Variants in VIPAS39 observed in about 807,000 individuals in gnomAD.
The protein encoded by VIPAS39 is spermatogenesis-defective protein 39 homolog.
VIPAS39 carries 63 observed loss-of-function variants against 84.7 expected under a neutral mutation model. The ratio of observed to expected loss-of-function variants is 0.74; its 90% CI spans 0.61 to 0.92. VIPAS39 has a LOEUF of 0.92. Ranked by LOEUF, VIPAS39 falls within the 40% of genes least tolerant of loss-of-function variation. The pLI is 0.00. For missense variants in VIPAS39, 499 were observed against 604.5 expected (o/e 0.83, Z 1.83); for synonymous variants, 192 against 216.5 (o/e 0.89, Z 0.99).
At chr14:77,436,887 T>C (rs1258297400) in intron 12 of VIPAS39, among the ~76,000 whole-genome samples, 1 of 152,224 alleles carries the variant, frequency 6.6e-6, no homozygotes, top group East Asian at 1.9e-4. Flanking sequence ...TTATTCCCCA[T>C]ACTCTGCTCA....
At chr14:77,447,108 C>A (rs2078803238) in intron 7 of VIPAS39, among the ~76,000 whole-genome samples, 1 of 149,842 alleles carries the variant, frequency 6.7e-6, no homozygotes, top group South Asian at 2.1e-4. Context: ...ATTGCACAAT[C>A]TCGGCCACCA....
intron 10 of VIPAS39, 137 bp downstream of exon 10, chr14:77,442,423 C>G (rs1206699483): frequency 1.0e-5 from 8 of 789,984 alleles, no homozygotes; most frequent in African/African-American, 1.7e-5. Context: ...TGCTAGTTAT[C>G]CCCTCACACT....
chr14:77,433,349 C>T (rs952907168), intron 16 of VIPAS39, among the ~76,000 whole-genome samples: 19 of 152,072 alleles, frequency 1.2e-4, no homozygotes, highest in Non-Finnish European at 2.6e-4. Context: ...TACAGGTGCA[C>T]ACCACCACAC....
intron 16 of VIPAS39, among the ~76,000 whole-genome samples, chr14:77,432,467 C>T (rs1226720036): frequency 6.6e-6 from 1 of 152,128 alleles, no homozygotes; most frequent in African/African-American, 2.4e-5. Context: ...GACATCTACA[C>T]TCCCATGTTT....
chr14:77,427,572 A>G lies in VIPAS39; in HGVS notation c.*44T>C. Reference sequence around the variant, plus strand: ...AAGAGCTCTCTCTGCTTTCACAGGCAGGAGAGGAGGAAATGAGGCAGGCTT... The same window carrying G: ...AAGAGCTCTCTCTGCTTTCACAGGCGGGAGAGGAGGAAATGAGGCAGGCTT... On this transcript the variant is annotated 3_prime_UTR_variant, in exon 20 of 20. Coordinates refer to ENST00000557658, the MANE Select transcript of VIPAS39 (RefSeq NM_001193315.2). 1 of 1,613,262 alleles carries G rather than the reference A, an allele frequency of 6.2e-7. No individual in the cohort carries two copies. The highest frequency in any genetic ancestry group is 8.5e-7 in the Non-Finnish European group (1 of 1,179,196).
chr14:77,444,217 T>A, intron 8 of VIPAS39, 32 bp downstream of exon 8: 1 of 1,596,912 alleles, frequency 6.3e-7, no homozygotes, highest in Non-Finnish European at 8.6e-7. Flanking sequence ...AAAACAATAA[T>A]TAAACAAACA....
chr14:77,452,039 TA>T (rs1452061522), intron 3 of VIPAS39, among the ~76,000 whole-genome samples: 6 of 152,108 alleles, frequency 3.9e-5, no homozygotes, highest in Non-Finnish European at 7.4e-5. Flanking sequence ...GATAGAAATA[TA>T]AAGAGCAAAA....
chr14:77,438,226 ATTT>A (rs34877078), intron 11 of VIPAS39, among the ~76,000 whole-genome samples: 11 of 131,994 alleles, frequency 8.3e-5, no homozygotes, highest in African/African-American at 8.0e-5. Flanking sequence ...AATATGGAAA[ATTT>A]TTTTTTTTTT....
intron 16 of VIPAS39, among the ~76,000 whole-genome samples, chr14:77,431,418 G>A (rs189791388): frequency 6.6e-6 from 1 of 152,196 alleles, no homozygotes; most frequent in Non-Finnish European, 1.5e-5. Flanking sequence ...AGAAGTACAT[G>A]AAAAGGTGAT....
chr14:77,457,270 CTCGT>C (rs1566743180), intron 1 of VIPAS39: 1 of 1,535,414 alleles, frequency 6.5e-7, no homozygotes, highest in East Asian at 2.4e-5. Flanking sequence ...GAGTTAAATG[CTCGT>C]TCTGAACCAA....
chr14:77,448,580 G>A (rs1269192783), intron 6 of VIPAS39, 30 bp from the exon 7 acceptor site: 1 of 1,612,476 alleles, frequency 6.2e-7, no homozygotes. Flanking sequence ...TGAATCCCAG[G>A]AAGTTAAGGA....
intron 2 of VIPAS39, 152 bp from the exon 3 acceptor site, chr14:77,453,553 A>C (rs909856945): frequency 1.3e-6 from 1 of 789,576 alleles, no homozygotes; most frequent in Non-Finnish European, 2.3e-6. Context: ...TTTGCCAAGA[A>C]AACAAACTGA....
intron 14 of VIPAS39, among the ~76,000 whole-genome samples, chr14:77,434,724 C>T (rs936184813): frequency 6.6e-6 from 1 of 150,982 alleles, no homozygotes; most frequent in Non-Finnish European, 1.5e-5. Flanking sequence ...AACCCTGTCT[C>T]TACTAAAAAT....
At chr14:77,429,376 C>G (rs2078483285) in intron 17 of VIPAS39, among the ~76,000 whole-genome samples, 1 of 152,204 alleles carries the variant, frequency 6.6e-6, no homozygotes, top group African/African-American at 2.4e-5. Flanking sequence ...GTGCTCTGCT[C>G]ATTTCTCCCT....
At chr14:77,456,976 C>T in intron 1 of VIPAS39, 1 of 785,000 alleles carries the variant, frequency 1.3e-6, no homozygotes, top group Non-Finnish European at 1.7e-6. Flanking sequence ...TTACTGACAG[C>T]CCACAAGGCA....
rs2078490830 is a variant in VIPAS39, at chr14:77,429,754, T to C, written c.1193A>G (p.Tyr398Cys). The change falls in exon 17 of 20, where the codon TAT becomes TGT. Residue 398 changes from tyrosine to cysteine, a missense_variant. Transcript: ENST00000557658. ...ALFTTKNWLG[Y>C]TKKRAPIGFH... The stretch of plus-strand genomic sequence containing the variant: ...GCCAATGGGTGCTCTCTTCTTGGTA[T>C]AGCCCAGCCAGTTCTGAAAGAGGAA... The C allele has an allele frequency of 2.5e-6, 4 of 1,614,078 alleles. No individual in the cohort carries two copies. Among genetic ancestry groups the C allele is most frequent in the Non-Finnish European group, 3.4e-6 (4 of 1,180,026 alleles).
intron 11 of VIPAS39, among the ~76,000 whole-genome samples, chr14:77,438,403 A>C (rs1187675767): frequency 6.6e-6 from 1 of 152,060 alleles, no homozygotes; most frequent in Non-Finnish European, 1.5e-5. Flanking sequence ...TAATTTTTGT[A>C]CTTTTAGTAG....
chr14:77,457,499 T>C lies in VIPAS39; in HGVS notation c.-5A>G. 1 of 1,103,836 alleles carries C rather than the reference T, an allele frequency of 9.1e-7. No individual in the cohort carries two copies. The highest frequency in any genetic ancestry group is 1.3e-6 in the Non-Finnish European group (1 of 765,702). 68.4% of individuals were successfully genotyped at this position (1,103,836 alleles called of 1,614,324 possible). A position where few individuals can be genotyped will look rare whatever the true frequency, so the allele number is the denominator to read the frequency against. ...AGGGGCTTGGGACACCCTCACCTCT[T>C]CCGCACAGAGCCCTCCCTCTCAGGA... On this transcript the variant is annotated 5_prime_UTR_variant, in exon 1 of 20. Transcript: ENST00000557658.
chr14:77,452,876 G>A (rs1015316305), intron 3 of VIPAS39, among the ~76,000 whole-genome samples: 2 of 151,770 alleles, frequency 1.3e-5, no homozygotes, highest in African/African-American at 2.4e-5. Context: ...AAGGAAGTCC[G>A]TTCTGTCAAT....
Sources: allele counts gnomAD v4.1 joint callset (sites outside exome capture counted in the v4.1 genomes callset), GRCh38; gene constraint gnomAD v4.1.1; transcripts MANE v1.5; gene names NCBI Gene and HGNC (gene_info 2026-07-23, HGNC 2026-07-21).